The following TRAPPC9 variants were observed in gnomAD, a reference collection of about 807,000 sequenced individuals.
The protein encoded by TRAPPC9 is IKK2 binding protein.
In TRAPPC9, 83 loss-of-function variants were observed where a neutral mutation model predicts 124.0. The ratio of observed to expected loss-of-function variants is 0.67; its 90% CI spans 0.56 to 0.80. TRAPPC9 has a LOEUF of 0.80. TRAPPC9 is among the 30% of genes least tolerant of loss of function. The pLI, the probability that TRAPPC9 is intolerant of heterozygous loss-of-function variation, is 0.00. For missense variants in TRAPPC9, 1,302 were observed against 1,508.3 expected (o/e 0.86, Z 2.27); for synonymous variants, 638 against 617.5 (o/e 1.03, Z -0.49).
At chr8:139,769,368 C>T (rs760144092) in intron 21 of TRAPPC9, among the ~76,000 whole-genome samples, 11 of 152,214 alleles carry the variant, frequency 7.2e-5, no homozygotes, top group Admixed American at 2.0e-4. Context: ...GCTGATCTGA[C>T]GGCAGACACC....
At chr8:140,093,678 A>G (rs1042337947) in intron 17 of TRAPPC9, among the ~76,000 whole-genome samples, 1 of 152,138 alleles carries the variant, frequency 6.6e-6, no homozygotes, top group Non-Finnish European at 1.5e-5. Flanking sequence ...AAAAAAAAAA[A>G]AAAAAAAGAC....
At chr8:139,821,661 G>A (rs1825262214) in intron 21 of TRAPPC9, among the ~76,000 whole-genome samples, 1 of 152,216 alleles carries the variant, frequency 6.6e-6, no homozygotes, top group African/African-American at 2.4e-5. Context: ...GTTAAAATAA[G>A]CAGAGATTAC....
rs1431035620 is a variant in TRAPPC9, at chr8:139,961,382, G to A, written c.2810+27344C>T. ...AGCCCCACCCCTTCTGAATTGGAGTGGGAGCACCTGGGGTGCCACAGCTGC... is the reference window on the plus strand; with the variant it reads ...AGCCCCACCCCTTCTGAATTGGAGTAGGAGCACCTGGGGTGCCACAGCTGC... On this transcript the variant is annotated intron_variant, in intron 19 of 22. Coordinates refer to ENST00000438773, the MANE Select transcript of TRAPPC9 (RefSeq NM_001160372.4). 1.6e-5 allele frequency among the ~76,000 whole-genome samples: 2 copies of A among 123,878 alleles called. 1 individual carries two copies. Among genetic ancestry groups the A allele is most frequent in the African/African-American group, 5.1e-5 (2 of 39,188 alleles). The allele number at this position is 123,878 out of a possible 152,430, so 81.3% of individuals were successfully genotyped here.
In TRAPPC9 at chr8:140,405,658, A is replaced by T. The variant is rs1163959931; in HGVS notation, c.927T>A (p.Thr309=). 2.5e-6 allele frequency: 4 copies of T among 1,614,086 alleles called. No homozygotes were observed. In the African/African-American group the frequency reaches 4.0e-5, roughly 16 times the overall value. ...GGCAGTTCTTAGCACGTCCGATCTC[A>T]GTACTGGTGTCAGGGTTGATGCCAT... ...TTNGINPDTS[T]EIGRAKNCLS... Residue 309 remains threonine, a synonymous_variant, in exon 6 of 23, where the codon ACT becomes ACA. Coordinates refer to ENST00000438773, the MANE Select transcript of TRAPPC9 (RefSeq NM_001160372.4).
chr8:140,341,078 G>A (rs2067182360), intron 9 of TRAPPC9, among the ~76,000 whole-genome samples: 1 of 152,072 alleles, frequency 6.6e-6, no homozygotes, highest in African/African-American at 2.4e-5. Flanking sequence ...AAAGGCAACT[G>A]GGCTTATTAA....
chr8:139,896,555 G>A (rs1301433317), intron 20 of TRAPPC9, among the ~76,000 whole-genome samples: 3 of 152,224 alleles, frequency 2.0e-5, no homozygotes, highest in African/African-American at 4.8e-5. Flanking sequence ...AAGAAAGCCA[G>A]TGCCGCTAGC....
At chr8:140,443,968 G>A (rs1171911637) in intron 2 of TRAPPC9, among the ~76,000 whole-genome samples, 6 of 148,058 alleles carry the variant, frequency 4.1e-5, no homozygotes, top group South Asian at 4.3e-4. Flanking sequence ...CCGGGGAGGC[G>A]GAGCTTGCAG....
intron 9 of TRAPPC9, among the ~76,000 whole-genome samples, chr8:140,330,922 C>T (rs1267328475): frequency 6.6e-6 from 1 of 151,514 alleles, no homozygotes; most frequent in Non-Finnish European, 1.5e-5. Context: ...AGAACTAATC[C>T]CTATCAAAAT....
intron 15 of TRAPPC9, among the ~76,000 whole-genome samples, chr8:140,261,906 G>A (rs1012755467): frequency 1.3e-5 from 2 of 152,116 alleles, no homozygotes; most frequent in African/African-American, 4.8e-5. Context: ...GGAAGAGAAG[G>A]GGGAGGAGAC....
At chr8:139,782,089 G>A (rs1400975259) in intron 21 of TRAPPC9, among the ~76,000 whole-genome samples, 3 of 152,152 alleles carry the variant, frequency 2.0e-5, no homozygotes, top group African/African-American at 4.8e-5. Context: ...TTTAAAGTAT[G>A]GAAAAAGGGG....
Position 140,252,622 on chromosome 8 carries a change from C to G in TRAPPC9, c.2431+155G>C, listed in dbSNP as rs1325086412. Reference sequence around the variant, plus strand: ...ACTTTCAGACACATACAGTAACACACTCTGTTAACAAAGTGCCCAGGAGAT... The same window carrying G: ...ACTTTCAGACACATACAGTAACACAGTCTGTTAACAAAGTGCCCAGGAGAT... On this transcript the variant is annotated intron_variant, in intron 16 of 22. Coordinates refer to ENST00000438773, the MANE Select transcript of TRAPPC9 (RefSeq NM_001160372.4). The surrounding 1 kb of genome is among the most constrained non-coding windows in gnomAD (Gnocchi z 4.2). 1 of 764,914 alleles carries G rather than the reference C, an allele frequency of 1.3e-6. No individual in the cohort carries two copies. The highest frequency in any genetic ancestry group is 2.2e-6 in the Non-Finnish European group (1 of 450,688). 47.4% of individuals were successfully genotyped at this position (764,914 alleles called of 1,614,324 possible). A position where few individuals can be genotyped will look rare whatever the true frequency, so the allele number is the denominator to read the frequency against.
At chr8:139,898,840 C>T (rs536177411) in intron 20 of TRAPPC9, among the ~76,000 whole-genome samples, 1 of 152,248 alleles carries the variant, frequency 6.6e-6, no homozygotes, top group East Asian at 1.9e-4. Context: ...CAGAAACAGG[C>T]CGGGTGCAGT....
rs150115797 is a variant in TRAPPC9 at position 139,744,862 on chromosome 8, A to G, written c.3056-12660T>C. ...CAACTTTTCATTAAAGATTAAAGGGAATTAAATTAAAATTAGGGCAAAATG... is the reference window on the plus strand; with the variant it reads ...CAACTTTTCATTAAAGATTAAAGGGGATTAAATTAAAATTAGGGCAAAATG... On this transcript the variant is annotated intron_variant, in intron 21 of 22. Transcript: ENST00000438773. 3.0e-3 allele frequency among the ~76,000 whole-genome samples: 450 copies of G among 152,284 alleles called. 2 individuals carry two copies. Among genetic ancestry groups the G allele is most frequent in the African/African-American group, 0.01 (424 of 41,546 alleles).
At chr8:139,960,862 G>C (rs1399906685) in intron 19 of TRAPPC9, among the ~76,000 whole-genome samples, 1 of 125,150 alleles carries the variant, frequency 8.0e-6, no homozygotes, top group Admixed American at 8.4e-5. Context: ...GTCACAATCT[G>C]TTCCCAGTGG....
At chr8:140,416,773 C>T (rs1181124666) in intron 5 of TRAPPC9, among the ~76,000 whole-genome samples, 1 of 152,096 alleles carries the variant, frequency 6.6e-6, no homozygotes, top group East Asian at 1.9e-4. Flanking sequence ...CAATCCTAAA[C>T]AAAAAGAACA....
chr8:140,285,795 G>A (rs111486485), intron 13 of TRAPPC9, among the ~76,000 whole-genome samples: 131 of 151,738 alleles, frequency 8.6e-4, no homozygotes, highest in African/African-American at 3.0e-3. Flanking sequence ...CACTCTCCCC[G>A]CTGGGTCCAT....
chr8:139,899,572 G>A (rs970337295), intron 20 of TRAPPC9, among the ~76,000 whole-genome samples: 3 of 152,124 alleles, frequency 2.0e-5, no homozygotes, highest in Non-Finnish European at 4.4e-5. Context: ...GTGGACCCAC[G>A]TAGTTCACAC....
At chr8:140,061,151 G>A (rs1842585738) in intron 17 of TRAPPC9, among the ~76,000 whole-genome samples, 1 of 152,182 alleles carries the variant, frequency 6.6e-6, no homozygotes, top group African/African-American at 2.4e-5. Context: ...AGGCACTGGG[G>A]AGCCATTGGA....
intron 17 of TRAPPC9, among the ~76,000 whole-genome samples, chr8:140,074,493 C>T (rs1201507898): frequency 4.6e-5 from 7 of 152,174 alleles, no homozygotes; most frequent in Admixed American, 6.5e-5. Context: ...AGGGTCCCTC[C>T]GTAGGGGAAG....
Sources: gnomAD v4.1 joint callset for allele counts (sites outside exome capture counted in the v4.1 genomes callset) on GRCh38, gnomAD v4.1.1 for gene constraint, Gnocchi (gnomAD v3.1) non-coding constraint, MANE v1.5 for transcripts, NCBI Gene and HGNC (gene_info 2026-07-23, HGNC 2026-07-21) for gene names.